Variants in OSBPL1A observed in about 807,000 individuals in gnomAD.
OSBPL1A encodes the protein oxysterol-binding protein-related protein 1.
OSBPL1A carries 80 observed loss-of-function variants against 137.1 expected under a neutral mutation model. The ratio of observed to expected loss-of-function variants is 0.58; its 90% CI spans 0.49 to 0.70. The LOEUF (loss-of-function observed/expected upper bound fraction) is 0.70, where lower values mean the gene tolerates loss of function less well. Among genes scored for constraint, OSBPL1A ranks in the 30% least tolerant of loss-of-function variants. The pLI, the probability that OSBPL1A is intolerant of heterozygous loss-of-function variation, is 0.00. For synonymous variants in OSBPL1A, 365 were observed against 389.7 expected (o/e 0.94, Z 0.75); for missense variants, 970 against 1,129.4 (o/e 0.86, Z 2.02).
intron 15 of OSBPL1A, among the ~76,000 whole-genome samples, chr18:24,241,732 T>A (rs1314298787): frequency 6.6e-6 from 1 of 152,146 alleles, no homozygotes; most frequent in East Asian, 1.9e-4. Context: ...TCCTCAAGGA[T>A]CTAGAACCAG....
At chr18:24,298,697 T>C (rs1007366901) in intron 14 of OSBPL1A, among the ~76,000 whole-genome samples, 3 of 152,194 alleles carry the variant, frequency 2.0e-5, no homozygotes, top group South Asian at 4.1e-4. Context: ...AGGGTCTGGA[T>C]TGGGACCCCT....
At chr18:24,239,579 A>T (rs2088614764) in intron 15 of OSBPL1A, among the ~76,000 whole-genome samples, 197 bp from the exon 16 acceptor site, 1 of 152,198 alleles carries the variant, frequency 6.6e-6, no homozygotes, top group Non-Finnish European at 1.5e-5. Context: ...CTTTTCTGGC[A>T]ACAGCTTAGC....
intron 16 of OSBPL1A, among the ~76,000 whole-genome samples, chr18:24,238,981 G>A (rs2088591639): frequency 6.6e-6 from 1 of 152,162 alleles, no homozygotes; most frequent in Non-Finnish European, 1.5e-5. Flanking sequence ...ACCTAGCCTA[G>A]AATACATCTT....
intron 2 of OSBPL1A, among the ~76,000 whole-genome samples, chr18:24,375,613 G>A (rs942349847): frequency 6.6e-6 from 1 of 152,074 alleles, no homozygotes; most frequent in African/African-American, 2.4e-5. Context: ...TCTCCTCCAA[G>A]AAGCAAATCC....
intron 17 of OSBPL1A, among the ~76,000 whole-genome samples, chr18:24,211,459 T>A (rs2087541978): frequency 6.6e-6 from 1 of 152,084 alleles, no homozygotes; most frequent in African/African-American, 2.4e-5. Context: ...TTGTAAACAT[T>A]TAAGTGAATG....
chr18:24,253,751 T>C (rs1055009688), intron 15 of OSBPL1A, among the ~76,000 whole-genome samples: 1 of 152,154 alleles, frequency 6.6e-6, no homozygotes, highest in African/African-American at 2.4e-5. Flanking sequence ...CTGGTCTCCT[T>C]GGTGTCAGCT....
intron 17 of OSBPL1A, among the ~76,000 whole-genome samples, chr18:24,206,571 C>T (rs1027831782): frequency 1.3e-5 from 2 of 152,196 alleles, no homozygotes; most frequent in African/African-American, 4.8e-5. Flanking sequence ...GCGCCTTAAA[C>T]ATTCCATTGA....
At chr18:24,334,513 G>C (rs1438271237) in intron 5 of OSBPL1A, among the ~76,000 whole-genome samples, 183 bp from the exon 6 acceptor site, 1 of 152,100 alleles carries the variant, frequency 6.6e-6, no homozygotes, top group Non-Finnish European at 1.5e-5. Context: ...TTCAGGTTTG[G>C]ATGAATTTGG....
chr18:24,367,086 C>T, intron 3 of OSBPL1A, 120 bp from the exon 4 acceptor site: 2 of 747,390 alleles, frequency 2.7e-6, no homozygotes, highest in Non-Finnish European at 3.9e-6. Flanking sequence ...TCAGTACTAA[C>T]AATAAATTAA....
rs369252936 is a variant in OSBPL1A at position 24,219,705 on chromosome 18, G to A, written c.1601+5337C>T. 8.5e-5 allele frequency among the ~76,000 whole-genome samples: 13 copies of A among 152,064 alleles called. No homozygotes were observed. In the South Asian group the frequency reaches 1.0e-3, roughly 12 times the overall value. On this transcript the variant is annotated intron_variant, in intron 17 of 27. Coordinates refer to ENST00000319481, the MANE Select transcript of OSBPL1A (RefSeq NM_080597.4). ...AAGCAGTTCTAAAGAGTCTCAGCCCGTCTCCAAAAGAGCAACTCCTATCTG... is the reference window on the plus strand; with the variant it reads ...AAGCAGTTCTAAAGAGTCTCAGCCCATCTCCAAAAGAGCAACTCCTATCTG...
chr18:24,275,507 T>C (rs2089824236), intron 15 of OSBPL1A, among the ~76,000 whole-genome samples: 2 of 151,986 alleles, frequency 1.3e-5, no homozygotes, highest in East Asian at 1.9e-4. Flanking sequence ...ACAAAAGATA[T>C]CAGGGTCACA....
intron 5 of OSBPL1A, among the ~76,000 whole-genome samples, chr18:24,341,209 G>A (rs2091267966): frequency 6.6e-6 from 1 of 152,106 alleles, no homozygotes; most frequent in Non-Finnish European, 1.5e-5. Context: ...GTTTCGCCAT[G>A]TTGCCCAGAC....
chr18:24,277,442 CCT>C (rs2089867767), intron 15 of OSBPL1A, among the ~76,000 whole-genome samples: 1 of 152,146 alleles, frequency 6.6e-6, no homozygotes, highest in Non-Finnish European at 1.5e-5. Context: ...CTACTGGATC[CCT>C]GTTTCGTGCC....
At chr18:24,371,492 T>C (rs980929772) in intron 2 of OSBPL1A, among the ~76,000 whole-genome samples, 6 of 152,316 alleles carry the variant, frequency 3.9e-5, no homozygotes, top group African/African-American at 1.4e-4. Flanking sequence ...CTAACCGTTC[T>C]CTCTGGATCC....
At chr18:24,368,150 A>G (rs1568058486) in intron 3 of OSBPL1A, 137 bp downstream of exon 3, 2 of 526,910 alleles carry the variant, frequency 3.8e-6, no homozygotes, top group Non-Finnish European at 6.8e-6. Context: ...ATAAAGAACA[A>G]TTAAGTGTCT....
intron 7 of OSBPL1A, among the ~76,000 whole-genome samples, chr18:24,331,305 T>C (rs1441282367): frequency 6.6e-6 from 1 of 151,734 alleles, no homozygotes; most frequent in African/African-American, 2.4e-5. Context: ...CAGGGTCCTG[T>C]GGGACCCCTG....
At chr18:24,276,653 C>A (rs903795476) in intron 15 of OSBPL1A, among the ~76,000 whole-genome samples, 1 of 152,050 alleles carries the variant, frequency 6.6e-6, no homozygotes, top group Non-Finnish European at 1.5e-5. Flanking sequence ...CCATGTTAGC[C>A]AGGCTGGTCT....
intron 17 of OSBPL1A, among the ~76,000 whole-genome samples, chr18:24,214,649 T>C (rs1206120384): frequency 1.3e-5 from 2 of 152,160 alleles, no homozygotes; most frequent in Non-Finnish European, 2.9e-5. Flanking sequence ...TTGATAAAAA[T>C]TGTTGATCGT....
At chr18:24,373,310 A>G (rs1299015888) in intron 2 of OSBPL1A, among the ~76,000 whole-genome samples, 1 of 152,252 alleles carries the variant, frequency 6.6e-6, no homozygotes, top group East Asian at 1.9e-4. Context: ...ACCTCCTAGT[A>G]AAGTGACAGC....
Sources: allele counts gnomAD v4.1 joint callset (sites outside exome capture counted in the v4.1 genomes callset), GRCh38; gene constraint gnomAD v4.1.1; transcripts MANE v1.5; gene names NCBI Gene and HGNC (gene_info 2026-07-23, HGNC 2026-07-21).